TRIOBP: variants seen among roughly 807,000 people sequenced by gnomAD.
TRIOBP encodes TRIO and F-actin-binding protein.
A neutral mutation model predicts 238.8 loss-of-function variants in TRIOBP; 169 were observed. The ratio of observed to expected loss-of-function variants is 0.71; its 90% CI spans 0.62 to 0.80. The LOEUF is 0.80. Ranked by LOEUF, TRIOBP falls within the 30% of genes least tolerant of loss-of-function variation. The pLI, the probability that TRIOBP is intolerant of heterozygous loss-of-function variation, is 0.00. For missense variants in TRIOBP, 2,838 were observed against 3,122.6 expected, an observed-to-expected ratio of 0.91 and a Z score of 2.17; for synonymous variants, 1,150 against 1,274.4, an observed-to-expected ratio of 0.90 and a Z score of 2.08.
chr22:37,751,183 CT>C (rs1569054445), intron 11 of TRIOBP: 2 of 396,816 alleles, frequency 5.0e-6, no homozygotes, highest in Non-Finnish European at 1.0e-5. Flanking sequence ...CTGTGCCCCC[CT>C]GGGCGGCACC....
At chr22:37,756,051 G>A (rs943841313) in intron 15 of TRIOBP, among the ~76,000 whole-genome samples, 9 of 152,216 alleles carry the variant, frequency 5.9e-5, no homozygotes, top group Non-Finnish European at 1.2e-4. Flanking sequence ...GCTGCCACGG[G>A]CACTGGGGCA....
chr22:37,769,481 C>A, intron 21 of TRIOBP, 106 bp downstream of exon 21: 1 of 1,135,110 alleles, frequency 8.8e-7, no homozygotes, highest in Non-Finnish European at 1.3e-6. Flanking sequence ...AAAGCCAAGT[C>A]TCCCAGTGGC....
At chr22:37,750,035 C>T (rs1262800654) in intron 11 of TRIOBP, among the ~76,000 whole-genome samples, 2 of 152,206 alleles carry the variant, frequency 1.3e-5, no homozygotes, top group Non-Finnish European at 2.9e-5. Flanking sequence ...TGTGATGTGT[C>T]TGTACTGGGC....
At chr22:37,766,515 T>TAG (rs778910620) in intron 18 of TRIOBP, among the ~76,000 whole-genome samples, 1 of 152,254 alleles carries the variant, frequency 6.6e-6, no homozygotes, top group Non-Finnish European at 1.5e-5. Flanking sequence ...CCGCGTGTGT[T>TAG]AGAGACCCCT....
rs4820302 is a variant in TRIOBP at position 37,733,079 on chromosome 22, G to A, written c.3948-219G>A. ...ACTCCCCACTTTTCTCGTCATGTTC[G>A]CAAGAGCCTCATGAGGCAGAATAGA... On this transcript the variant is annotated intron_variant, in intron 7 of 23. Coordinates refer to ENST00000644935, the MANE Select transcript of TRIOBP (RefSeq NM_001039141.3). Among the ~76,000 whole-genome samples, 147,592 of 152,346 alleles carry A rather than the reference G, an allele frequency of 0.97. 71,531 individuals are homozygous for A. Among genetic ancestry groups the A allele is most frequent in the East Asian group, 1 (5,178 of 5,180 alleles).
At position 37,765,807 on chromosome 22, in the gene TRIOBP, C is replaced by T; in HGVS notation, c.6462C>T (p.Ala2154=). Residue 2154 remains alanine, a synonymous_variant, in exon 18 of 24, where the codon GCC becomes GCT. Coordinates refer to ENST00000644935, the MANE Select transcript of TRIOBP (RefSeq NM_001039141.3). ...GGCTCCTGGCTGAGGAGACGGCAGC[C>T]ACGGCCTCAGGTATGGACCCTGGGG... is the stretch of plus-strand genomic sequence containing the variant. ...KEWLLAEETA[A]TASAIEAMKK... 6.4e-7 allele frequency: 1 copy of T among 1,572,882 alleles called. No individual in the cohort carries two copies. The highest frequency in any genetic ancestry group is 8.6e-7 in the Non-Finnish European group (1 of 1,168,342).
chr22:37,706,611 T>C (rs770632618), intron 3 of TRIOBP, among the ~76,000 whole-genome samples: 1 of 151,956 alleles, frequency 6.6e-6, no homozygotes, highest in Non-Finnish European at 1.5e-5. Flanking sequence ...GTTAACAAAG[T>C]GAGATCCCAT....
intron 11 of TRIOBP, among the ~76,000 whole-genome samples, chr22:37,744,180 T>C (rs1314498733): frequency 6.6e-6 from 1 of 151,866 alleles, no homozygotes; most frequent in Non-Finnish European, 1.5e-5. Context: ...GGCTAATTTT[T>C]TGTATTTTTA....
chr22:37,698,544 G>A (rs948139024), intron 2 of TRIOBP, among the ~76,000 whole-genome samples: 1 of 151,610 alleles, frequency 6.6e-6, no homozygotes, highest in Non-Finnish European at 1.5e-5. Context: ...GTAGAGACAG[G>A]GTTTCATCAT....
At chr22:37,766,400 A>G (rs986151085) in intron 18 of TRIOBP, among the ~76,000 whole-genome samples, 1 of 152,266 alleles carries the variant, frequency 6.6e-6, no homozygotes, top group Non-Finnish European at 1.5e-5. Flanking sequence ...CCAATGTCAC[A>G]TGATCTGAAG....
intron 6 of TRIOBP, among the ~76,000 whole-genome samples, chr22:37,722,731 A>T (rs996555430): frequency 6.6e-6 from 1 of 152,234 alleles, no homozygotes; most frequent in Non-Finnish European, 1.5e-5. Context: ...TGACTCAAAA[A>T]CAAAACAAAA....
chr22:37,751,624 TTACC>T (rs1278248262), intron 11 of TRIOBP, 144 bp from the exon 12 acceptor site: 5 of 807,836 alleles, frequency 6.2e-6, no homozygotes, highest in Non-Finnish European at 8.2e-6. Flanking sequence ...GACTTGGGGG[TTACC>T]TAGGGCCTTA....
intron 12 of TRIOBP, among the ~76,000 whole-genome samples, 157 bp from the exon 13 acceptor site, chr22:37,754,720 T>C (rs549759704): frequency 2.0e-5 from 3 of 152,190 alleles, no homozygotes; most frequent in Admixed American, 2.0e-4. Context: ...TCACAGATGC[T>C]ACCCCTGAGG....
At chr22:37,761,748 G>T (rs1027999615) in intron 17 of TRIOBP, among the ~76,000 whole-genome samples, 7 of 152,046 alleles carry the variant, frequency 4.6e-5, no homozygotes, top group Non-Finnish European at 1.0e-4. Context: ...AGTAGTGGAT[G>T]GAGTTTCCAC....
chr22:37,751,283 C>T (rs1410559731), intron 11 of TRIOBP: 11 of 346,086 alleles, frequency 3.2e-5, no homozygotes, highest in Admixed American at 8.6e-5. Flanking sequence ...TGACTGGCTC[C>T]ACCTCCCATA....
chr22:37,734,906 G>T lies in TRIOBP; in HGVS notation c.4570G>T (p.Glu1524Ter). The T allele has an allele frequency of 5.0e-6, 8 of 1,613,290 alleles. No individual in the cohort carries two copies. Among genetic ancestry groups the T allele is most frequent in the Non-Finnish European group, 5.1e-6 (6 of 1,180,006 alleles). The change falls in exon 9 of 24, where the codon GAG becomes TAG. Residue 1524 changes from glutamate (E) to a stop codon, truncating the protein, a stop_gained. Coordinates refer to ENST00000644935, the MANE Select transcript of TRIOBP (RefSeq NM_001039141.3). LOFTEE classifies it high-confidence loss of function. Reference protein sequence around the residue: ...SPPENWGGPAESSQSWHSGTP... With the variant: ...SPPENWGGPA ...CCCTGAGAACTGGGGAGGCCCCGCA[G>T]AGTCCTCACAATCCTGGCACTCTGG... is the stretch of plus-strand genomic sequence containing the variant.
chr22:37,718,042 T>C (rs1249616266), intron 6 of TRIOBP, among the ~76,000 whole-genome samples: 1 of 152,178 alleles, frequency 6.6e-6, no homozygotes, highest in African/African-American at 2.4e-5. Context: ...GGGCGGGCAC[T>C]GCTGGGGGAC....
intron 17 of TRIOBP, among the ~76,000 whole-genome samples, chr22:37,763,007 C>T (rs528156773): frequency 6.6e-6 from 1 of 152,272 alleles, no homozygotes; most frequent in Non-Finnish European, 1.5e-5. Flanking sequence ...AGGATCAGGA[C>T]ACCTTGGGCC....
At position 37,713,231 on chromosome 22, in the gene TRIOBP, G is replaced by T; in HGVS notation, c.276G>T (p.Gly92=). The T allele has an allele frequency of 1.2e-6, 2 of 1,613,654 alleles. No individual in the cohort carries two copies. The highest frequency in any genetic ancestry group is 1.3e-5 in the African/African-American group (1 of 74,998). ...CCAGGGGCCCATCCCCCTCAGCAGG[G>T]CTCCCAGAAGAGGGTCCCACAGCTG... ...GPKRGPSPSA[G]LPEEGPTAAP... The change falls in exon 5 of 24, where the codon GGG becomes GGT. Residue 92 remains glycine, a synonymous_variant. Transcript: ENST00000644935.
Sources: allele counts gnomAD v4.1 joint callset (sites outside exome capture counted in the v4.1 genomes callset), GRCh38; gene constraint gnomAD v4.1.1; transcripts MANE v1.5; gene names NCBI Gene and HGNC (gene_info 2026-07-23, HGNC 2026-07-21).